Variants in PLCH1 observed in about 807,000 individuals in gnomAD.
PLCH1 encodes the protein 1-phosphatidylinositol 4,5-bisphosphate phosphodiesterase eta-1.
In PLCH1, 60 loss-of-function variants were observed where a neutral mutation model predicts 126.7. That is an observed-to-expected ratio of 0.47 (90% CI 0.38 to 0.59). The LOEUF (loss-of-function observed/expected upper bound fraction) is 0.59. PLCH1 is among the 20% of genes least tolerant of loss of function. The probability of loss-of-function intolerance (pLI) is 0.00; values close to 1 mark genes in which losing one functional copy is unlikely to be tolerated. For synonymous variants in PLCH1, 719 were observed against 734.9 expected (o/e 0.98, Z 0.35); for missense variants, 1,723 against 2,040.0 (o/e 0.84, Z 2.99).
chr3:155,491,581 A>G (rs1169148086), intron 18 of PLCH1, among the ~76,000 whole-genome samples: 1 of 152,172 alleles, frequency 6.6e-6, no homozygotes, highest in Admixed American at 6.6e-5. Flanking sequence ...GTGTTCAATG[A>G]ATACTCTCAA....
chr3:155,542,095 G>T (rs964707565), intron 10 of PLCH1, among the ~76,000 whole-genome samples: 1 of 152,206 alleles, frequency 6.6e-6, no homozygotes, highest in Non-Finnish European at 1.5e-5. Flanking sequence ...TGCCTCAATC[G>T]GGAAGCGCAA....
At chr3:155,713,300 T>C (rs528644039) in intron 1 of PLCH1, among the ~76,000 whole-genome samples, 4 of 152,284 alleles carry the variant, frequency 2.6e-5, no homozygotes, top group African/African-American at 4.8e-5. Context: ...ACATTACTTA[T>C]TCAAAAAATG....
At chr3:155,488,417 G>A (rs912700728) in intron 20 of PLCH1, among the ~76,000 whole-genome samples, 2 of 151,946 alleles carry the variant, frequency 1.3e-5, no homozygotes, top group South Asian at 2.1e-4. Flanking sequence ...GGCTGGTCTC[G>A]AACTCCTGAC....
At chr3:155,544,211 A>G (rs1326677102) in intron 10 of PLCH1, among the ~76,000 whole-genome samples, 1 of 152,234 alleles carries the variant, frequency 6.6e-6, no homozygotes, top group Non-Finnish European at 1.5e-5. Flanking sequence ...GCAAATGGAA[A>G]ACAAAAAAAG....
chr3:155,727,417 TC>T (rs1748422515), intron 1 of PLCH1, among the ~76,000 whole-genome samples: 1 of 149,284 alleles, frequency 6.7e-6, no homozygotes, highest in Admixed American at 6.7e-5. Flanking sequence ...AGATGGAGTC[TC>T]ATTCTTTTGT....
chr3:155,473,718 C>G (rs2107985659), intron 21 of PLCH1, among the ~76,000 whole-genome samples: 1 of 151,586 alleles, frequency 6.6e-6, no homozygotes, highest in Middle Eastern at 3.4e-3. Flanking sequence ...GTACTGGTAC[C>G]AAAACAGAGA....
At chr3:155,502,701 C>T (rs193045460) in intron 13 of PLCH1, among the ~76,000 whole-genome samples, 366 of 152,228 alleles carry the variant, frequency 2.4e-3, no homozygotes, top group Middle Eastern at 0.01. Flanking sequence ...GTTATCATAC[C>T]ATAGAATCTA....
At chr3:155,537,604 A>C (rs1723616751) in intron 10 of PLCH1, among the ~76,000 whole-genome samples, 2 of 152,172 alleles carry the variant, frequency 1.3e-5, no homozygotes, top group Admixed American at 6.5e-5. Flanking sequence ...CTATCCTTAT[A>C]TCAGACAAAA....
chr3:155,468,793 A>G (rs1713030250), intron 21 of PLCH1, among the ~76,000 whole-genome samples: 1 of 152,206 alleles, frequency 6.6e-6, no homozygotes, highest in Admixed American at 6.5e-5. Context: ...AGAGGTAAAG[A>G]GAGAGCTAGG....
At chr3:155,647,868 A>C (rs969841637) in intron 2 of PLCH1, among the ~76,000 whole-genome samples, 1 of 152,186 alleles carries the variant, frequency 6.6e-6, no homozygotes, top group South Asian at 2.1e-4. Context: ...CCTAATGCAT[A>C]GCTAGATTCT....
chr3:155,624,099 C>T (rs530246804), intron 2 of PLCH1, among the ~76,000 whole-genome samples: 26 of 152,230 alleles, frequency 1.7e-4, no homozygotes, highest in South Asian at 2.1e-4. Context: ...GTTCAACATA[C>T]GCAAATCAAT....
In PLCH1 at chr3:155,735,086, A is replaced by C. The variant is rs571130353; in HGVS notation, c.-41+9754T>G. The stretch of plus-strand genomic sequence containing the variant: ...TGCAACATGGATGAACCTGGAGGAC[A>C]TTATGGTAAATGAAGTAAGTCAGAC... On this transcript the variant is annotated intron_variant, in intron 1 of 22. Coordinates refer to ENST00000460012, the MANE Select transcript of PLCH1 (RefSeq NM_014996.4). 7.2e-5 allele frequency among the ~76,000 whole-genome samples: 11 copies of C among 152,334 alleles called. No individual in the cohort carries two copies. In the South Asian group the frequency reaches 2.3e-3, roughly 32 times the overall value.
chr3:155,660,139 C>T (rs73007035), intron 2 of PLCH1, among the ~76,000 whole-genome samples: 2,749 of 152,284 alleles, frequency 0.018, 89 homozygotes, highest in African/African-American at 0.063. Flanking sequence ...GAATTATGAA[C>T]GTGGCTGCCC....
At chr3:155,455,869 T>C (rs987827017) in intron 21 of PLCH1, among the ~76,000 whole-genome samples, 1 of 152,240 alleles carries the variant, frequency 6.6e-6, no homozygotes, top group African/African-American at 2.4e-5. Flanking sequence ...TGCAGGACTT[T>C]CAGTGATGAA....
intron 2 of PLCH1, among the ~76,000 whole-genome samples, chr3:155,612,487 T>C (rs1234642139): frequency 6.7e-6 from 1 of 149,148 alleles, no homozygotes; most frequent in East Asian, 2.0e-4. Flanking sequence ...GAAAAAGAAA[T>C]AACCAAGATC....
chr3:155,564,273 C>A (rs1448398529), intron 8 of PLCH1, among the ~76,000 whole-genome samples: 1 of 151,926 alleles, frequency 6.6e-6, no homozygotes, highest in Non-Finnish European at 1.5e-5. Context: ...ATCCTAAAAA[C>A]AAAGAGCTTG....
chr3:155,585,232 C>A (rs994813560), intron 5 of PLCH1, among the ~76,000 whole-genome samples: 14 of 152,154 alleles, frequency 9.2e-5, no homozygotes, highest in African/African-American at 3.1e-4. Flanking sequence ...GCAACACATA[C>A]CCCATGTTGT....
rs539286127 is a variant in PLCH1, at chr3:155,462,089, G to A, written c.2938+23267C>T. Reference sequence around the variant, plus strand: ...CTTAGAGGACACATTGTGTTCCACTGAACTGGAAATTGCAACTATGTTGAT... The same window carrying A: ...CTTAGAGGACACATTGTGTTCCACTAAACTGGAAATTGCAACTATGTTGAT... On this transcript the variant is annotated intron_variant, in intron 21 of 21. Transcript: ENST00000494598. 3.0e-3 allele frequency among the ~76,000 whole-genome samples: 456 copies of A among 152,324 alleles called. 2 individuals are homozygous for A. Among genetic ancestry groups the A allele is most frequent in the African/African-American group, 9.7e-3 (402 of 41,580 alleles).
At chr3:155,502,064 C>A (rs1717988285) in intron 13 of PLCH1, among the ~76,000 whole-genome samples, 1 of 152,156 alleles carries the variant, frequency 6.6e-6, no homozygotes, top group African/African-American at 2.4e-5. Flanking sequence ...CACTCAACTT[C>A]TCTCTATTTC....
Sources: allele counts gnomAD v4.1 joint callset (sites outside exome capture counted in the v4.1 genomes callset), GRCh38; gene constraint gnomAD v4.1.1; transcripts MANE v1.5; gene names NCBI Gene and HGNC (gene_info 2026-07-23, HGNC 2026-07-21).